Variants in UGT1A10 observed in about 807,000 individuals in gnomAD.
The protein encoded by UGT1A10 is UDP-glucuronosyltransferase 1A10.
Under a neutral mutation model 45.8 loss-of-function variants are expected in UGT1A10, and 49 were observed. The ratio of observed to expected loss-of-function variants is 1.07; its 90% CI spans 0.85 to 1.36. The LOEUF is 1.36. Ranked by LOEUF, UGT1A10 falls within the 40% of genes most tolerant of loss-of-function variation. The pLI is 0.00. For synonymous variants in UGT1A10, 284 were observed against 249.7 expected (o/e 1.14, Z -1.29); for missense variants, 745 against 668.6 (o/e 1.11, Z -1.26).
Position 233,747,869 on chromosome 2 carries a change from C to T in UGT1A10, c.856-19165C>T, listed in dbSNP as rs1693798150. The T allele has an allele frequency of 2.5e-6, 4 of 1,613,468 alleles. No individual in the cohort carries two copies. In the Admixed American group the frequency reaches 6.7e-5, roughly 27 times the overall value. Reference sequence around the variant, plus strand: ...TCAAGAACATGCTCTACCCTCTGGCCCTGTCCTACCTTTGCCATGCTCTTT... The same window carrying T: ...TCAAGAACATGCTCTACCCTCTGGCTCTGTCCTACCTTTGCCATGCTCTTT... On this transcript the variant is annotated intron_variant, in intron 1 of 4. Coordinates refer to ENST00000344644, the MANE Select transcript of UGT1A10 (RefSeq NM_019075.4).
At chr2:233,754,544 A>G in intron 1 of UGT1A10, 1 of 379,568 alleles carries the variant, frequency 2.6e-6, no homozygotes, top group Non-Finnish European at 5.2e-6. Context: ...GACTGGAATT[A>G]CTTGGTGTCA....
chr2:233,727,024 C>A (rs1363887346), intron 1 of UGT1A10, among the ~76,000 whole-genome samples: 2 of 152,054 alleles, frequency 1.3e-5, no homozygotes, highest in African/African-American at 4.8e-5. Flanking sequence ...TGTTTTTGTA[C>A]CCTAAGGAAT....
chr2:233,760,685 A>G (rs575799001), intron 1 of UGT1A10: 11 of 1,614,182 alleles, frequency 6.8e-6, no homozygotes, highest in South Asian at 1.1e-5. Flanking sequence ...TTACTGCACA[A>G]CAAGGAGCTC....
At chr2:233,753,211 T>A (rs964244574) in intron 1 of UGT1A10, 3 of 152,210 alleles carry the variant, frequency 2.0e-5, no homozygotes, top group African/African-American at 4.8e-5. Flanking sequence ...CAGTCTGTCT[T>A]ATTTTGATAC....
At position 233,714,761 on chromosome 2, in the gene UGT1A10, T is replaced by C. The variant is rs545127473; in HGVS notation, c.856-52273T>C. Among the ~76,000 whole-genome samples, 4 of 152,384 alleles carry C rather than the reference T, an allele frequency of 2.6e-5. No homozygotes were observed. The East Asian group carries it at 7.7e-4, about 29-fold the overall frequency. ...TCTAGCATATATTTGACACTTACAG[T>C]ATATCTCAATTTGGAATAGCCACAT... On this transcript the variant is annotated intron_variant, in intron 1 of 4. Coordinates refer to ENST00000344644, the MANE Select transcript of UGT1A10 (RefSeq NM_019075.4).
At position 233,636,858 on chromosome 2, in the gene UGT1A10, A is replaced by C. The variant is rs369963685; in HGVS notation, c.336A>C (p.Ser112=). The C allele has an allele frequency of 1.4e-5, 22 of 1,614,194 alleles. No individual in the cohort carries two copies. The African/African-American group carries it at 2.3e-4, about 17-fold the overall frequency. The change falls in exon 1 of 5, where the codon TCA becomes TCC. Residue 112 remains serine, a synonymous_variant. Coordinates refer to ENST00000344644, the MANE Select transcript of UGT1A10 (RefSeq NM_019075.4). ...AQSIFSLLMS[S]SSGFLDLFFS... Reference sequence around the variant, plus strand: ...GTATATTTTCTCTATTAATGAGTTCATCCAGTGGTTTTCTTGACTTATTTT... The same window carrying C: ...GTATATTTTCTCTATTAATGAGTTCCTCCAGTGGTTTTCTTGACTTATTTT...
At chr2:233,678,568 C>A (rs2074421602) in intron 1 of UGT1A10, among the ~76,000 whole-genome samples, 1 of 152,136 alleles carries the variant, frequency 6.6e-6, no homozygotes, top group Non-Finnish European at 1.5e-5. Flanking sequence ...CAGTACTAAT[C>A]CTTCTTCCCC....
At chr2:233,638,007 A>G (rs1288008825) in intron 1 of UGT1A10, among the ~76,000 whole-genome samples, 4 of 152,144 alleles carry the variant, frequency 2.6e-5, no homozygotes, top group African/African-American at 9.7e-5. Flanking sequence ...TCCTTTTGTG[A>G]ATAAGGCTGT....
chr2:233,693,520 G>A (rs1228298386), intron 1 of UGT1A10: 13 of 1,614,006 alleles, frequency 8.1e-6, no homozygotes, highest in Non-Finnish European at 1.0e-5. Flanking sequence ...ACCTCTTCAG[G>A]GGTTTTCCGT....
At chr2:233,747,862 C>T in intron 1 of UGT1A10, 1 of 1,613,544 alleles carries the variant, frequency 6.2e-7, no homozygotes, top group Non-Finnish European at 8.5e-7. Context: ...ATGCTCTACC[C>T]TCTGGCCCTG....
At position 233,717,544 on chromosome 2, in the gene UGT1A10, C is replaced by A. The variant is rs1401420661; in HGVS notation, c.856-49490C>A. Among the ~76,000 whole-genome samples, 6 of 152,334 alleles carry A rather than the reference C, an allele frequency of 3.9e-5. No individual in the cohort carries two copies. The East Asian group carries it at 1.2e-3, about 29-fold the overall frequency. On this transcript the variant is annotated intron_variant, in intron 1 of 4. Transcript: ENST00000344644. The stretch of plus-strand genomic sequence containing the variant: ...TCCTCCATAAGGGAAGCCTCAGCCT[C>A]ACCAGCAATGGCAGACATGGCCAGG...
At position 233,767,727 on chromosome 2, in the gene UGT1A10, T is replaced by C. The variant is rs28946890; in HGVS notation, c.988-122T>C. The C allele has an allele frequency of 9.9e-4, 1,538 of 1,556,204 alleles. 17 individuals are homozygous for C. In the African/African-American group the frequency reaches 0.019, roughly 19 times the overall value. ...CCTCAGAAGCCTTCACAGTTACTGA[T>C]CCTCCCACTCTGTTAAAGACTGTTC... On this transcript the variant is annotated intron_variant, in intron 2 of 4. Coordinates refer to ENST00000344644, the MANE Select transcript of UGT1A10 (RefSeq NM_019075.4).
At position 233,671,839 on chromosome 2, in the gene UGT1A10, C is replaced by T. The variant is rs540114548; in HGVS notation, c.855+34462C>T. On this transcript the variant is annotated intron_variant, in intron 1 of 4. Transcript: ENST00000344644. Reference sequence around the variant, plus strand: ...TTTTATGAAAGGATAAAAACACGCCCTCTATTGGGGTCAGGTTTTGTGCTG... The same window carrying T: ...TTTTATGAAAGGATAAAAACACGCCTTCTATTGGGGTCAGGTTTTGTGCTG... The T allele has an allele frequency of 6.5e-5, 96 of 1,470,798 alleles. No individual in the cohort carries two copies. In the African/African-American group the frequency reaches 1.3e-3, roughly 20 times the overall value. 91.1% of individuals were successfully genotyped at this position (1,470,798 alleles called of 1,614,324 possible).
intron 1 of UGT1A10, among the ~76,000 whole-genome samples, chr2:233,638,226 A>C (rs1486924822): frequency 6.6e-6 from 1 of 152,274 alleles, no homozygotes; most frequent in Non-Finnish European, 1.5e-5. Context: ...AAAAATTTTC[A>C]CTATATAAGC....
rs1407263257 is a variant in UGT1A10, at chr2:233,636,767, C to A, written c.245C>A (p.Thr82Asn). 1 of 1,614,210 alleles carries A rather than the reference C, an allele frequency of 6.2e-7. No homozygotes were observed. Among genetic ancestry groups the A allele is most frequent in the South Asian group, 1.1e-5 (1 of 91,082 alleles). ...GTGAAGACTTACTCAACCTCGTACA[C>A]TCTGGAAGATCAGAACCGGGAATTC... ...CTVKTYSTSYTLEDQNREFMV... is the reference protein window; with the variant it reads ...CTVKTYSTSYNLEDQNREFMV... Residue 82 changes from threonine (T) to asparagine (N), a missense_variant, in exon 1 of 5, where the codon ACT (threonine) becomes AAT (asparagine). Thr to Asn is a moderately conservative substitution (Grantham distance 65). Transcript: ENST00000344644.
chr2:233,767,714 TCA>T (rs1424650372), intron 2 of UGT1A10, 133 bp from the exon 3 acceptor site: 27 of 1,536,346 alleles, frequency 1.8e-5, no homozygotes, highest in Non-Finnish European at 2.3e-5. Flanking sequence ...TCAGAAGCCT[TCA>T]CAGTTACTGA....
chr2:233,721,860 C>T (rs2076977030), intron 1 of UGT1A10: 1 of 507,874 alleles, frequency 2.0e-6, no homozygotes, highest in Non-Finnish European at 3.9e-6. Flanking sequence ...ACTGCTCGGC[C>T]CTGGGCACAC....
Position 233,760,811 on chromosome 2 carries a change from T to A in UGT1A10, c.856-6223T>A, listed in dbSNP as rs72551341. The A allele has an allele frequency of 6.5e-5, 105 of 1,613,198 alleles. No individual in the cohort carries two copies. Among genetic ancestry groups the A allele is most frequent in the Non-Finnish European group, 7.5e-5 (89 of 1,179,336 alleles). The stretch of plus-strand genomic sequence containing the variant: ...CCCACTGTATTCTTCTTGCATGCAC[T>A]GCCATGCAGCCTGGAATTTGAGGCT... On this transcript the variant is annotated intron_variant, in intron 1 of 4. Coordinates refer to ENST00000344644, the MANE Select transcript of UGT1A10 (RefSeq NM_019075.4).
chr2:233,677,143 C>T (rs1435832466), intron 1 of UGT1A10, among the ~76,000 whole-genome samples: 1 of 152,142 alleles, frequency 6.6e-6, no homozygotes, highest in Non-Finnish European at 1.5e-5. Flanking sequence ...GGAGAAACAA[C>T]ATCTTAGCAA....
Sources: allele counts gnomAD v4.1 joint callset (sites outside exome capture counted in the v4.1 genomes callset), GRCh38; gene constraint gnomAD v4.1.1; transcripts MANE v1.5; gene names NCBI Gene and HGNC (gene_info 2026-07-23, HGNC 2026-07-21).